Variants in NKAIN3 observed in about 807,000 individuals in gnomAD.
NKAIN3 encodes the protein sodium/potassium-transporting ATPase subunit beta-1-interacting protein 3.
Under a neutral mutation model 30.2 loss-of-function variants are expected in NKAIN3, and 25 were observed. The observed-to-expected ratio is 0.83, with a 90% CI of 0.60 to 1.16. The LOEUF is 1.16. Among genes scored for constraint, NKAIN3 ranks in the 50% most tolerant of loss-of-function variants. The pLI is 0.00. For synonymous variants in NKAIN3, 91 were observed against 89.6 expected, an observed-to-expected ratio of 1.02 and a Z score of -0.09; for missense variants, 225 against 254.1, an observed-to-expected ratio of 0.89 and a Z score of 0.78.
chr8:62,527,939 AAGAG>A (rs34706867), intron 1 of NKAIN3, among the ~76,000 whole-genome samples: 11,476 of 141,132 alleles, frequency 0.081, 1,395 homozygotes, highest in African/African-American at 0.27. Context: ...GAGAGACAGA[AAGAG>A]AGAGACAAAG....
chr8:62,892,288 T>TA (rs1335262278), intron 4 of NKAIN3, among the ~76,000 whole-genome samples: 4 of 152,232 alleles, frequency 2.6e-5, no homozygotes, highest in Non-Finnish European at 4.4e-5. Flanking sequence ...AGTCAGATCC[T>TA]AACATAGGTT....
intron 4 of NKAIN3, among the ~76,000 whole-genome samples, chr8:62,896,263 T>A (rs1821424958): frequency 6.6e-6 from 1 of 152,064 alleles, no homozygotes; most frequent in Non-Finnish European, 1.5e-5. Context: ...TCTCTTCTTA[T>A]TGGGGCACTA....
intron 1 of NKAIN3, among the ~76,000 whole-genome samples, chr8:62,516,573 T>A (rs764625822): frequency 4.6e-5 from 7 of 152,176 alleles, no homozygotes; most frequent in Non-Finnish European, 8.8e-5. Flanking sequence ...CAAATTTATA[T>A]GTAAACTTGA....
At chr8:62,964,783 G>A (rs916827300) in intron 6 of NKAIN3, among the ~76,000 whole-genome samples, 6 of 151,188 alleles carry the variant, frequency 4.0e-5, no homozygotes, top group Non-Finnish European at 5.9e-5. Context: ...ACTGATTTAC[G>A]TGTTAATCAC....
intron 4 of NKAIN3, among the ~76,000 whole-genome samples, chr8:62,902,647 C>A (rs1821647660): frequency 6.6e-6 from 1 of 152,168 alleles, no homozygotes; most frequent in Non-Finnish European, 1.5e-5. Context: ...TTTATGAATT[C>A]TCTTTTAGTT....
chr8:62,920,104 G>C (rs953158389), intron 5 of NKAIN3, among the ~76,000 whole-genome samples: 2 of 152,112 alleles, frequency 1.3e-5, no homozygotes, highest in African/African-American at 4.8e-5. Context: ...AAGACAGGCT[G>C]CACAGCCAAA....
intron 1 of NKAIN3, among the ~76,000 whole-genome samples, chr8:62,528,458 G>A (rs1013296654): frequency 1.3e-4 from 19 of 151,160 alleles, no homozygotes; most frequent in Non-Finnish European, 2.4e-4. Context: ...GACAAGCATC[G>A]AATCTATTCC....
intron 5 of NKAIN3, among the ~76,000 whole-genome samples, chr8:62,927,798 T>C (rs1465359916): frequency 2.0e-5 from 3 of 152,192 alleles, no homozygotes; most frequent in African/African-American, 7.2e-5. Flanking sequence ...ATTCACACTG[T>C]TATACTAAAG....
chr8:62,297,722 G>C (rs1409744304), intron 1 of NKAIN3, among the ~76,000 whole-genome samples: 1 of 152,132 alleles, frequency 6.6e-6, no homozygotes, highest in Non-Finnish European at 1.5e-5. Context: ...TACACTGTTG[G>C]TGGGAATGTA....
intron 1 of NKAIN3, among the ~76,000 whole-genome samples, chr8:62,444,443 C>A (rs1432297060): frequency 6.6e-6 from 1 of 152,156 alleles, no homozygotes; most frequent in Non-Finnish European, 1.5e-5. Flanking sequence ...TCCATGAAAT[C>A]CACTTTTTTA....
chr8:62,675,325 A>G (rs1813441220), intron 3 of NKAIN3, among the ~76,000 whole-genome samples: 1 of 152,164 alleles, frequency 6.6e-6, no homozygotes, highest in Admixed American at 6.6e-5. Context: ...ATACACCCAT[A>G]TTTATAAATC....
Position 62,895,958 on chromosome 8 carries a change from A to T in NKAIN3, c.472-22495A>T, listed in dbSNP as rs565446845. On this transcript the variant is annotated intron_variant, in intron 4 of 6. Coordinates refer to ENST00000623646, the MANE Select transcript of NKAIN3 (RefSeq NM_001304533.3). The stretch of plus-strand genomic sequence containing the variant: ...TTAAAACCAAAAACTCTGAGAATTT[A>T]TCACCATCCTGAAGCCTAGATCCTG... Among the ~76,000 whole-genome samples, 23 of 149,670 alleles carry T rather than the reference A, an allele frequency of 1.5e-4. No individual in the cohort carries two copies. In the South Asian group the frequency reaches 4.5e-3, roughly 29 times the overall value.
intron 3 of NKAIN3, among the ~76,000 whole-genome samples, chr8:62,663,564 C>T (rs1813007370): frequency 1.3e-5 from 2 of 152,268 alleles, no homozygotes; most frequent in East Asian, 1.9e-4. Context: ...CAATCTACTA[C>T]ATCTGAATAC....
chr8:62,789,903 T>C (rs972256439), intron 4 of NKAIN3, among the ~76,000 whole-genome samples: 24 of 152,148 alleles, frequency 1.6e-4, no homozygotes, highest in African/African-American at 5.6e-4. Context: ...ACTGGTACCA[T>C]TTCTTCTGAA....
chr8:62,800,937 T>C (rs2130693079), intron 4 of NKAIN3, among the ~76,000 whole-genome samples: 1 of 152,320 alleles, frequency 6.6e-6, no homozygotes, highest in Non-Finnish European at 1.5e-5. Context: ...TCCAACGGGC[T>C]TAAAAAACGG....
At chr8:62,356,907 G>A (rs1018188622) in intron 1 of NKAIN3, among the ~76,000 whole-genome samples, 5 of 152,064 alleles carry the variant, frequency 3.3e-5, no homozygotes, top group Admixed American at 2.6e-4. Context: ...GAGCCCAGGA[G>A]TTCGAGACCA....
chr8:62,749,895 T>C (rs899432296), intron 4 of NKAIN3, among the ~76,000 whole-genome samples: 38 of 152,056 alleles, frequency 2.5e-4, no homozygotes, highest in Non-Finnish European at 4.7e-4. Context: ...TTGGCCAGGC[T>C]GTTCTTGAAC....
chr8:62,278,659 A>G (rs1029120638), intron 1 of NKAIN3, among the ~76,000 whole-genome samples: 1 of 152,020 alleles, frequency 6.6e-6, no homozygotes, highest in Non-Finnish European at 1.5e-5. Context: ...ATAGTTTGCT[A>G]AGAATGATAG....
chr8:62,754,634 A>T (rs1477794008), intron 4 of NKAIN3, among the ~76,000 whole-genome samples: 1 of 152,134 alleles, frequency 6.6e-6, no homozygotes, highest in Admixed American at 6.5e-5. Context: ...TTGTTTTTTC[A>T]TCATCCCTAT....
Sources: gnomAD v4.1 joint callset for allele counts (sites outside exome capture counted in the v4.1 genomes callset) on GRCh38, gnomAD v4.1.1 for gene constraint, MANE v1.5 for transcripts, NCBI Gene and HGNC (gene_info 2026-07-23, HGNC 2026-07-21) for gene names.